Variants in LMO4 observed in about 807,000 individuals in gnomAD.
LMO4 encodes LIM domain transcription factor LMO4.
Under a neutral mutation model 18.5 loss-of-function variants are expected in LMO4, and 3 were observed. The ratio of observed to expected loss-of-function variants is 0.16; its 90% CI spans 0.07 to 0.42. LMO4 has a LOEUF of 0.42. Ranked by LOEUF, LMO4 falls within the 10% of genes least tolerant of loss-of-function variation. The pLI is 0.99. For synonymous variants in LMO4, 100 were observed against 88.1 expected, an observed-to-expected ratio of 1.14 and a Z score of -0.76; for missense variants, 121 against 219.9, an observed-to-expected ratio of 0.55 and a Z score of 2.84.
chr1:87,338,458 T>G (rs1650375735), intron 2 of LMO4, among the ~76,000 whole-genome samples: 1 of 152,242 alleles, frequency 6.6e-6, no homozygotes, highest in African/African-American at 2.4e-5. Flanking sequence ...CCTTTCAATG[T>G]GAAATCATTT....
rs769512210 is a variant in LMO4, at chr1:87,348,632, G to A, written c.*3836G>A. On this transcript the variant is annotated 3_prime_UTR_variant, in exon 5 of 5. Coordinates refer to ENST00000370544, the MANE Select transcript of LMO4 (RefSeq NM_006769.4). ...GCATTTGTAGCCCTCTGCTCCCATC[G>A]TGAACATGCTGAGAGCAATGACAAG... The A allele has an allele frequency of 2.2e-6, 1 of 462,142 alleles. No individual in the cohort carries two copies. Among genetic ancestry groups the A allele is most frequent in the Non-Finnish European group, 4.4e-6 (1 of 229,628 alleles). 28.6% of individuals were successfully genotyped at this position (462,142 alleles called of 1,614,324 possible).
In LMO4 at chr1:87,339,648, CTCT is replaced by C; in HGVS notation, c.333+18_333+20del. 1 of 1,532,076 alleles carries C rather than the reference CTCT, an allele frequency of 6.5e-7. No individual in the cohort carries two copies. The highest frequency in any genetic ancestry group is 9.0e-7 in the Non-Finnish European group (1 of 1,112,226). 94.9% of individuals were successfully genotyped at this position (1,532,076 alleles called of 1,614,324 possible). A position where few individuals can be genotyped will look rare whatever the true frequency, so the allele number is the denominator to read the frequency against. On this transcript the variant is annotated intron_variant, in intron 3 of 4. Transcript: ENST00000370544. ...TCATCTTAAGGTAGTATTTGCATCT[CTCT>C]TTTTTTTTTAAAAAAAAAATCATAC...
In LMO4 at chr1:87,339,518, C is replaced by T. The variant is rs1471304550; in HGVS notation, c.237-18C>T. On this transcript the variant is annotated intron_variant, in intron 2 of 4. Transcript: ENST00000370544. The stretch of plus-strand genomic sequence containing the variant: ...TTTAGGATTATTCACTGGTGTCAAC[C>T]GTTATTCTTTGTTTCAGGTTATTTG... The T allele has an allele frequency of 3.1e-6, 5 of 1,587,558 alleles. No homozygotes were observed. In the East Asian group the frequency reaches 6.7e-5, roughly 21 times the overall value.
intron 2 of LMO4, among the ~76,000 whole-genome samples, chr1:87,337,888 C>T (rs1260025317): frequency 1.3e-5 from 2 of 152,228 alleles, no homozygotes; most frequent in Non-Finnish European, 2.9e-5. Context: ...TGTGGTCCTG[C>T]AGCTAGAGGT....
At chr1:87,329,653 T>A (rs1333165221) in intron 1 of LMO4, among the ~76,000 whole-genome samples, 1 of 152,196 alleles carries the variant, frequency 6.6e-6, no homozygotes. Context: ...TAAACACTAT[T>A]TTTGAAACAG....
In LMO4 at chr1:87,339,651, T is replaced by C. The variant is rs1254729977; in HGVS notation, c.333+19T>C. The C allele has an allele frequency of 1.7e-6, 2 of 1,192,384 alleles. No individual in the cohort carries two copies. Among genetic ancestry groups the C allele is most frequent in the Non-Finnish European group, 2.4e-6 (2 of 848,582 alleles). The allele number at this position is 1,192,384 out of a possible 1,614,324, so 73.9% of individuals were successfully genotyped here. On this transcript the variant is annotated intron_variant, in intron 3 of 4. Coordinates refer to ENST00000370544, the MANE Select transcript of LMO4 (RefSeq NM_006769.4). ...TCTTAAGGTAGTATTTGCATCTCTC[T>C]TTTTTTTTTAAAAAAAAAATCATAC...
chr1:87,330,338 C>A (rs1034800096), intron 1 of LMO4, among the ~76,000 whole-genome samples: 19 of 152,194 alleles, frequency 1.2e-4, no homozygotes, highest in African/African-American at 4.6e-4. Flanking sequence ...AGATCTAGGG[C>A]AGGAAATGCA....
rs115837305 is a variant in LMO4 at position 87,339,834 on chromosome 1, C to T, written c.333+202C>T. Among the ~76,000 whole-genome samples, 741 of 152,226 alleles carry T rather than the reference C, an allele frequency of 4.9e-3. 7 individuals carry two copies. The highest frequency in any genetic ancestry group is 0.017 in the African/African-American group (702 of 41,508). On this transcript the variant is annotated intron_variant, in intron 3 of 4. Coordinates refer to ENST00000370544, the MANE Select transcript of LMO4 (RefSeq NM_006769.4). The stretch of plus-strand genomic sequence containing the variant: ...TTCCCCTATGCCACAGACAGAAGTA[C>T]ACATGTATTTGGATTTGTCCCCATT...
chr1:87,339,648 C>G lies in LMO4; in HGVS notation c.333+16C>G. 6.5e-7 allele frequency: 1 copy of G among 1,532,078 alleles called. No individual in the cohort carries two copies. The highest frequency in any genetic ancestry group is 9.0e-7 in the Non-Finnish European group (1 of 1,112,228). The allele number at this position is 1,532,078 out of a possible 1,614,324, so 94.9% of individuals were successfully genotyped here. On this transcript the variant is annotated intron_variant, in intron 3 of 4. Coordinates refer to ENST00000370544, the MANE Select transcript of LMO4 (RefSeq NM_006769.4). ...TCATCTTAAGGTAGTATTTGCATCT[C>G]TCTTTTTTTTTTAAAAAAAAAATCA...
rs753843726 is a variant in LMO4, at chr1:87,348,707, C to G, written c.*3911C>G. On this transcript the variant is annotated 3_prime_UTR_variant, in exon 5 of 5. Coordinates refer to ENST00000370544, the MANE Select transcript of LMO4 (RefSeq NM_006769.4). ...ACTTGCAACTTACCTCAAGTGAATA[C>G]TGTTTTCAGTTGTGCAAGAAGTGCT... 3.9e-6 allele frequency: 2 copies of G among 512,698 alleles called. No individual in the cohort carries two copies. Among genetic ancestry groups the G allele is most frequent in the South Asian group, 1.4e-5 (1 of 70,360 alleles). The allele number at this position is 512,698 out of a possible 1,614,324, so 31.8% of individuals were successfully genotyped here.
intron 4 of LMO4, among the ~76,000 whole-genome samples, chr1:87,342,046 A>ATGT (rs1026585210): frequency 6.6e-6 from 1 of 152,196 alleles, no homozygotes; most frequent in African/African-American, 2.4e-5. Flanking sequence ...ACTCCTTCTG[A>ATGT]TGTAAAAGCT....
intron 2 of LMO4, among the ~76,000 whole-genome samples, chr1:87,335,063 G>A (rs1367786037): frequency 3.3e-5 from 5 of 151,522 alleles, no homozygotes; most frequent in Non-Finnish European, 7.4e-5. Flanking sequence ...GAGCGGAGGG[G>A]GAGGGTGGAT....
chr1:87,340,795 TGCTAACCC>T (rs1485941080), intron 4 of LMO4, among the ~76,000 whole-genome samples: 1 of 152,250 alleles, frequency 6.6e-6, no homozygotes, highest in African/African-American at 2.4e-5. Flanking sequence ...TTCTTGTTCT[TGCTAACCC>T]GCTTAGTGCC....
At chr1:87,330,067 G>C (rs1650091734) in intron 1 of LMO4, among the ~76,000 whole-genome samples, 1 of 150,300 alleles carries the variant, frequency 6.7e-6, no homozygotes, top group Non-Finnish European at 1.5e-5. Flanking sequence ...TTAGTTATCA[G>C]GGGAGTCAGT....
At position 87,345,663 on chromosome 1, in the gene LMO4, G is replaced by A. The variant is rs547233703; in HGVS notation, c.*867G>A. 6.6e-6 allele frequency: 1 copy of A among 152,178 alleles called. No homozygotes were observed. Among genetic ancestry groups the A allele is most frequent in the Non-Finnish European group, 1.5e-5 (1 of 68,024 alleles). 9.4% of individuals were successfully genotyped at this position (152,178 alleles called of 1,614,324 possible). On this transcript the variant is annotated 3_prime_UTR_variant, in exon 5 of 5. Transcript: ENST00000370544. The stretch of plus-strand genomic sequence containing the variant: ...AGTTTTTATTGTTGTTGAATAACAA[G>A]CTCACTTTAAATTTGAAGGAGTTGA...
At chr1:87,337,382 A>G (rs533468982) in intron 2 of LMO4, among the ~76,000 whole-genome samples, 32 of 152,358 alleles carry the variant, frequency 2.1e-4, no homozygotes, top group Non-Finnish European at 4.3e-4. Context: ...CTCAGGGTGA[A>G]TTGTTAAATA....
At chr1:87,336,292 T>C (rs1333887218) in intron 2 of LMO4, among the ~76,000 whole-genome samples, 1 of 152,234 alleles carries the variant, frequency 6.6e-6, no homozygotes, top group Non-Finnish European at 1.5e-5. Flanking sequence ...TGATATTTAC[T>C]TGCAGGTACA....
At chr1:87,332,329 G>C (rs1650179536) in intron 2 of LMO4, 78 bp downstream of exon 2, 1 of 1,121,448 alleles carries the variant, frequency 8.9e-7, no homozygotes, top group Admixed American at 2.0e-5. Flanking sequence ...TGTGAGGAAA[G>C]GAGTAGGCGT....
intron 2 of LMO4, among the ~76,000 whole-genome samples, chr1:87,336,631 A>T (rs1031185888): frequency 6.6e-6 from 1 of 152,186 alleles, no homozygotes; most frequent in African/African-American, 2.4e-5. Flanking sequence ...ATTTCTTCCC[A>T]TCTTTTCCGT....
Sources: gnomAD v4.1 joint callset for allele counts (sites outside exome capture counted in the v4.1 genomes callset) on GRCh38, gnomAD v4.1.1 for gene constraint, MANE v1.5 for transcripts, NCBI Gene and HGNC (gene_info 2026-07-23, HGNC 2026-07-21) for gene names.